PPP2R2B: variants seen among roughly 807,000 people sequenced by gnomAD.
PPP2R2B encodes protein phosphatase 2 regulatory subunit Bbeta.
Under a neutral mutation model 46.0 loss-of-function variants are expected in PPP2R2B, and 5 were observed. The ratio of observed to expected loss-of-function variants is 0.11; its 90% CI spans 0.06 to 0.23. The LOEUF (loss-of-function observed/expected upper bound fraction) is 0.23. Ranked by LOEUF, PPP2R2B falls within the 10% of genes least tolerant of loss-of-function variation. The pLI, the probability that PPP2R2B is intolerant of heterozygous loss-of-function variation, is 1.00. For synonymous variants in PPP2R2B, 215 were observed against 206.7 expected (o/e 1.04, Z -0.34); for missense variants, 367 against 575.0 (o/e 0.64, Z 3.70).
At chr5:146,716,713 G>A (rs907671023) in intron 2 of PPP2R2B, among the ~76,000 whole-genome samples, 1 of 152,058 alleles carries the variant, frequency 6.6e-6, no homozygotes, top group African/African-American at 2.4e-5. Context: ...AACTTATCCT[G>A]TTTCCCTTCC....
At chr5:147,066,375 G>A (rs1757415219) in intron 2 of PPP2R2B, among the ~76,000 whole-genome samples, 2 of 152,126 alleles carry the variant, frequency 1.3e-5, no homozygotes. Context: ...CCTCACAAGA[G>A]CCCTGGATGT....
chr5:146,657,071 G>A (rs1776380579), intron 5 of PPP2R2B, among the ~76,000 whole-genome samples: 1 of 152,184 alleles, frequency 6.6e-6, no homozygotes, highest in African/African-American at 2.4e-5. Context: ...ACCTAAGTGG[G>A]GGTTGGCGGG....
At chr5:146,660,703 G>A (rs1466130039) in intron 5 of PPP2R2B, among the ~76,000 whole-genome samples, 1 of 152,042 alleles carries the variant, frequency 6.6e-6, no homozygotes, top group Non-Finnish European at 1.5e-5. Flanking sequence ...TTCTTTTACT[G>A]GCTTTGTCAT....
chr5:146,929,432 C>T (rs1763894753), intron 1 of PPP2R2B, among the ~76,000 whole-genome samples: 1 of 151,700 alleles, frequency 6.6e-6, no homozygotes, highest in Non-Finnish European at 1.5e-5. Context: ...AAAACATGCA[C>T]CAAATGTGAG....
intron 1 of PPP2R2B, among the ~76,000 whole-genome samples, chr5:146,938,949 T>A (rs1764241692): frequency 6.6e-6 from 1 of 151,782 alleles, no homozygotes; most frequent in South Asian, 2.1e-4. Flanking sequence ...CCTGGCTAAT[T>A]TTTTGTATTT....
intron 5 of PPP2R2B, among the ~76,000 whole-genome samples, chr5:146,652,605 A>G (rs981878367): frequency 1.3e-5 from 2 of 152,078 alleles, no homozygotes; most frequent in African/African-American, 4.8e-5. Context: ...CCAGGAGGGG[A>G]GTGAAAGGGA....
intron 2 of PPP2R2B, among the ~76,000 whole-genome samples, chr5:146,819,560 A>G (rs1758134838): frequency 6.6e-6 from 1 of 152,242 alleles, no homozygotes; most frequent in African/African-American, 2.4e-5. Flanking sequence ...AAAATGTACT[A>G]TTTAAAAACT....
chr5:146,951,452 C>A (rs1383162617), intron 1 of PPP2R2B, among the ~76,000 whole-genome samples: 4 of 151,932 alleles, frequency 2.6e-5, no homozygotes, highest in Admixed American at 1.3e-4. Context: ...ATCAACCCAC[C>A]ACCTAAGTAT....
intron 7 of PPP2R2B, among the ~76,000 whole-genome samples, chr5:146,620,948 C>A (rs1057189134): frequency 1.3e-5 from 2 of 152,184 alleles, no homozygotes; most frequent in Admixed American, 1.3e-4. Flanking sequence ...CCCAAGCTGC[C>A]CCGTTTCCAA....
chr5:146,886,232 G>T (rs319199), intron 1 of PPP2R2B, among the ~76,000 whole-genome samples: 1 of 151,504 alleles, frequency 6.6e-6, no homozygotes, highest in Non-Finnish European at 1.5e-5. Context: ...CCAGTTACTC[G>T]GGAAGCTGAG....
At chr5:146,783,624 C>T (rs984040278) in intron 2 of PPP2R2B, among the ~76,000 whole-genome samples, 1 of 152,072 alleles carries the variant, frequency 6.6e-6, no homozygotes, top group African/African-American at 2.4e-5. Flanking sequence ...TAAGACACTC[C>T]TCTAACACAA....
intron 9 of PPP2R2B, among the ~76,000 whole-genome samples, chr5:146,590,682 C>G (rs1770547373): frequency 6.6e-6 from 1 of 152,080 alleles, no homozygotes; most frequent in Admixed American, 6.5e-5. Context: ...GGTTCCTGGG[C>G]CGTCTGGCCT....
intron 8 of PPP2R2B, among the ~76,000 whole-genome samples, chr5:146,596,143 G>A (rs1227001556): frequency 6.6e-6 from 1 of 152,226 alleles, no homozygotes; most frequent in Non-Finnish European, 1.5e-5. Flanking sequence ...GTACATGGCT[G>A]TGTCTTAATA....
chr5:146,975,800 T>C (rs1210469227), intron 1 of PPP2R2B, among the ~76,000 whole-genome samples: 2 of 152,210 alleles, frequency 1.3e-5, no homozygotes, highest in Non-Finnish European at 2.9e-5. Flanking sequence ...AAAATATCTA[T>C]TCAGGTCCTT....
intron 1 of PPP2R2B, among the ~76,000 whole-genome samples, chr5:146,928,291 T>A (rs1370215304): frequency 6.6e-6 from 1 of 151,902 alleles, no homozygotes; most frequent in East Asian, 1.9e-4. Flanking sequence ...TTTTTTTAGA[T>A]CAGATCTCTC....
chr5:146,707,188 C>T lies in PPP2R2B; in HGVS notation c.71-6046G>A, dbSNP rs1779916843. On this transcript the variant is annotated intron_variant, in intron 2 of 9. Transcript: ENST00000394411. ...CTGCCGCCTAAGGCTGTTGATGTAGCTCTCGAATATGTTGTCCATGTTGCT... is the reference window on the plus strand; with the variant it reads ...CTGCCGCCTAAGGCTGTTGATGTAGTTCTCGAATATGTTGTCCATGTTGCT... The T allele has an allele frequency of 7.0e-6, 11 of 1,576,670 alleles. No individual in the cohort carries two copies. The East Asian group carries it at 1.8e-4, about 26-fold the overall frequency.
intron 1 of PPP2R2B, among the ~76,000 whole-genome samples, chr5:146,937,130 C>A (rs1764175594): frequency 6.6e-6 from 1 of 151,988 alleles, no homozygotes; most frequent in South Asian, 2.1e-4. Flanking sequence ...GGTGAAACCC[C>A]GTCTCTACTA....
rs571130136 is a variant in PPP2R2B at position 146,811,598 on chromosome 5, T to C, written c.70+66404A>G. Among the ~76,000 whole-genome samples, 3 of 146,254 alleles carry C rather than the reference T, an allele frequency of 2.1e-5. No individual in the cohort carries two copies. The East Asian group carries it at 6.1e-4, about 30-fold the overall frequency. On this transcript the variant is annotated intron_variant, in intron 2 of 9. Coordinates refer to ENST00000394411, the MANE Select transcript of PPP2R2B (RefSeq NM_181675.4). ...TTTTTTGAGAAGGAATCTCACTCTG[T>C]TGCCCAGGCTGGAGTGCAGTGGCGC...
At chr5:146,796,582 T>C (rs560019190) in intron 2 of PPP2R2B, among the ~76,000 whole-genome samples, 7 of 152,292 alleles carry the variant, frequency 4.6e-5, no homozygotes, top group African/African-American at 1.7e-4. Context: ...CAGAATATAC[T>C]ATTTCTCCAA....
Sources: gnomAD v4.1 joint callset for allele counts (sites outside exome capture counted in the v4.1 genomes callset) on GRCh38, gnomAD v4.1.1 for gene constraint, MANE v1.5 for transcripts, NCBI Gene and HGNC (gene_info 2026-07-23, HGNC 2026-07-21) for gene names.